Variants in LINGO2 observed in about 807,000 individuals in gnomAD.
LINGO2 encodes leucine rich repeat and Ig domain containing 2.
LINGO2 carries 14 observed loss-of-function variants against 30.6 expected under a neutral mutation model. The observed-to-expected ratio is 0.46, with a 90% CI of 0.30 to 0.72. LINGO2 has a LOEUF of 0.72. Ranked by LOEUF, LINGO2 falls within the 30% of genes least tolerant of loss-of-function variation. The probability of loss-of-function intolerance (pLI) is 0.07; values close to 1 mark genes in which losing one functional copy is unlikely to be tolerated. For missense variants in LINGO2, 729 were observed against 751.7 expected, an observed-to-expected ratio of 0.97 and a Z score of 0.35; for synonymous variants, 317 against 288.5, an observed-to-expected ratio of 1.10 and a Z score of -1.00.
the LINGO2 span, among the ~76,000 whole-genome samples, chr9:28,842,080 AATGAAACTGAACTAAG>A: frequency 0.043 from 6,559 of 151,836 alleles, 230 homozygotes; most frequent in Admixed American, 0.084. Context: ...AACTAAGACA[AATGAAACTGAACTAAG>A]AAAGTAAATG....
the LINGO2 span, among the ~76,000 whole-genome samples, chr9:28,838,515 A>T: frequency 3.3e-5 from 5 of 152,208 alleles, no homozygotes; most frequent in Non-Finnish European, 5.9e-5. Context: ...CCCAAAACCA[A>T]AAGTTTAACA....
the LINGO2 span, among the ~76,000 whole-genome samples, chr9:28,804,573 A>T: frequency 6.6e-6 from 1 of 151,996 alleles, no homozygotes; most frequent in Non-Finnish European, 1.5e-5. Flanking sequence ...ACAAAAAAAA[A>T]ACAGATCTGG....
the LINGO2 span, among the ~76,000 whole-genome samples, chr9:28,834,708 A>C: frequency 6.6e-6 from 1 of 152,114 alleles, no homozygotes; most frequent in African/African-American, 2.4e-5. Context: ...CTGGTCTTGA[A>C]GATTTTAATT....
intron 4 of LINGO2, among the ~76,000 whole-genome samples, chr9:28,226,732 C>T (rs1302297399): frequency 6.6e-6 from 1 of 151,614 alleles, no homozygotes; most frequent in Non-Finnish European, 1.5e-5. Context: ...AGAGAGGAAA[C>T]TGCATATTAT....
intron 1 of LINGO2, among the ~76,000 whole-genome samples, chr9:28,567,642 C>G (rs1183306047): frequency 6.6e-6 from 1 of 151,710 alleles, no homozygotes; most frequent in East Asian, 1.9e-4. Context: ...CTGGGGACTC[C>G]AAAAGTGAAG....
the LINGO2 span, among the ~76,000 whole-genome samples, chr9:28,859,146 A>T: frequency 6.6e-6 from 1 of 152,074 alleles, no homozygotes; most frequent in Non-Finnish European, 1.5e-5. Flanking sequence ...AATTTTCAAG[A>T]ATTTAAAGTT....
intron 1 of LINGO2, among the ~76,000 whole-genome samples, chr9:28,498,675 C>G (rs921237463): frequency 2.0e-5 from 3 of 152,114 alleles, no homozygotes; most frequent in African/African-American, 4.8e-5. Flanking sequence ...TGCACCCACT[C>G]TCCAACAAAC....
intron 4 of LINGO2, among the ~76,000 whole-genome samples, chr9:28,264,982 A>G (rs1171790477): frequency 2.0e-5 from 3 of 151,632 alleles, no homozygotes; most frequent in Admixed American, 1.3e-4. Flanking sequence ...TGCAGCATCA[A>G]CTCCTGCTAA....
the LINGO2 span, among the ~76,000 whole-genome samples, chr9:28,999,174 C>T: frequency 5.9e-3 from 893 of 152,190 alleles, 8 homozygotes; most frequent in African/African-American, 0.021. Context: ...TCAGTGTACA[C>T]ATGGTTTTAA....
chr9:29,112,415 C>CT, the LINGO2 span, among the ~76,000 whole-genome samples: 1 of 152,250 alleles, frequency 6.6e-6, no homozygotes, highest in Middle Eastern at 3.4e-3. Flanking sequence ...TGCATAGAGT[C>CT]TGAGAACTAC....
At chr9:29,023,666 A>T in the LINGO2 span, among the ~76,000 whole-genome samples, 2 of 152,162 alleles carry the variant, frequency 1.3e-5, no homozygotes, top group African/African-American at 2.4e-5. Context: ...TAAATGAATA[A>T]CTACATTCAT....
the LINGO2 span, among the ~76,000 whole-genome samples, chr9:28,987,629 T>G: frequency 6.6e-6 from 1 of 152,102 alleles, no homozygotes; most frequent in Non-Finnish European, 1.5e-5. Flanking sequence ...GGAGCAACAT[T>G]AAGTTGTTTA....
At chr9:28,179,891 T>C (rs1160577208) in intron 4 of LINGO2, among the ~76,000 whole-genome samples, 1 of 151,916 alleles carries the variant, frequency 6.6e-6, no homozygotes, top group Non-Finnish European at 1.5e-5. Context: ...CTCTGGTATG[T>C]TAAATTAGAG....
intron 1 of LINGO2, among the ~76,000 whole-genome samples, chr9:28,602,587 G>A (rs1411152738): frequency 6.6e-6 from 1 of 151,942 alleles, no homozygotes; most frequent in Non-Finnish European, 1.5e-5. Flanking sequence ...TCAATATGTT[G>A]ATGTTATATT....
chr9:28,753,251 C>G, the LINGO2 span, among the ~76,000 whole-genome samples: 1 of 151,946 alleles, frequency 6.6e-6, no homozygotes, highest in Admixed American at 6.6e-5. Flanking sequence ...TGCAGTTTTG[C>G]CTAACACCTC....
chr9:28,521,542 C>G (rs568678626), intron 1 of LINGO2, among the ~76,000 whole-genome samples: 1 of 152,212 alleles, frequency 6.6e-6, no homozygotes, highest in African/African-American at 2.4e-5. Flanking sequence ...CCCCATTTTT[C>G]CTTCTGAAAA....
At chr9:28,276,633 A>G (rs1469465744) in intron 4 of LINGO2, among the ~76,000 whole-genome samples, 1 of 152,150 alleles carries the variant, frequency 6.6e-6, no homozygotes, top group Non-Finnish European at 1.5e-5. Context: ...TCAGTTAGGT[A>G]CAGTTACATC....
chr9:29,126,534 T>C, the LINGO2 span, among the ~76,000 whole-genome samples: 3 of 152,284 alleles, frequency 2.0e-5, no homozygotes, highest in African/African-American at 2.4e-5. Context: ...TGCAAATACA[T>C]TGATCTTAAA....
chr9:28,683,046 T>A, the LINGO2 span, among the ~76,000 whole-genome samples: 6 of 152,110 alleles, frequency 3.9e-5, no homozygotes, highest in African/African-American at 1.2e-4. Context: ...TTCCCTGTCC[T>A]GAGATAATAA....
Sources: gnomAD v4.1 joint callset for allele counts (sites outside exome capture counted in the v4.1 genomes callset) on GRCh38, gnomAD v4.1.1 for gene constraint, MANE v1.5 for transcripts, NCBI Gene and HGNC (gene_info 2026-07-23, HGNC 2026-07-21) for gene names.